Variants in CPE observed in about 807,000 individuals in gnomAD.
CPE encodes the protein carbocypeptidase E.
In CPE, 17 loss-of-function variants were observed where a neutral mutation model predicts 53.5. The observed-to-expected ratio is 0.32, with a 90% CI of 0.22 to 0.48. The LOEUF (loss-of-function observed/expected upper bound fraction) is 0.48. Ranked by LOEUF, CPE falls within the 20% of genes least tolerant of loss-of-function variation. The pLI, the probability that CPE is intolerant of heterozygous loss-of-function variation, is 0.99. For missense variants in CPE, 524 were observed against 614.7 expected (o/e 0.85, Z 1.56); for synonymous variants, 226 against 228.8 (o/e 0.99, Z 0.11).
At position 165,490,572 on chromosome 4, in the gene CPE, G is replaced by T. The variant is rs1371818795; in HGVS notation, c.1114-2599G>T. Among the ~76,000 whole-genome samples, 3 of 143,234 alleles carry T rather than the reference G, an allele frequency of 2.1e-5. No homozygotes were observed. In the East Asian group the frequency reaches 6.4e-4, roughly 31 times the overall value. 94.0% of individuals were successfully genotyped at this position (143,234 alleles called of 152,430 possible). A position where few individuals can be genotyped will look rare whatever the true frequency, so the allele number is the denominator to read the frequency against. On this transcript the variant is annotated intron_variant, in intron 6 of 8. Coordinates refer to ENST00000402744, the MANE Select transcript of CPE (RefSeq NM_001873.4). ...GGCATGAACCCGGGAGGCGGAGCTT[G>T]CAGTGAGCCGAGATCACACTACACT...
intron 1 of CPE, among the ~76,000 whole-genome samples, chr4:165,424,995 A>C (rs1731294869): frequency 6.6e-6 from 1 of 151,014 alleles, no homozygotes; most frequent in Middle Eastern, 3.2e-3. Context: ...CCGCCTCAGG[A>C]GAGAGTAATC....
intron 3 of CPE, among the ~76,000 whole-genome samples, chr4:165,481,008 A>ATTTTTT: frequency 1.8e-5 from 1 of 55,986 alleles, no homozygotes; most frequent in Non-Finnish European, 3.4e-5. Flanking sequence ...ATATATATAT[A>ATTTTTT]TATATATATT....
At chr4:165,383,617 C>T (rs1175656173) in intron 1 of CPE, among the ~76,000 whole-genome samples, 6 of 152,116 alleles carry the variant, frequency 3.9e-5, no homozygotes, top group Non-Finnish European at 5.9e-5. Context: ...TTATTTTGGA[C>T]GTATTCCTCT....
intron 6 of CPE, among the ~76,000 whole-genome samples, chr4:165,490,581 C>T (rs1380842836): frequency 7.4e-6 from 1 of 134,384 alleles, no homozygotes; most frequent in African/African-American, 2.9e-5. Flanking sequence ...TGCAGTGAGC[C>T]GAGATCACAC....
intron 3 of CPE, among the ~76,000 whole-genome samples, chr4:165,479,991 C>CA (rs80059796): frequency 0.016 from 996 of 63,196 alleles, 7 homozygotes; most frequent in Middle Eastern, 0.051. Flanking sequence ...GACTCCGCCT[C>CA]AAAAAAAAAA....
intron 1 of CPE, among the ~76,000 whole-genome samples, chr4:165,414,782 AAGAATGCATCC>A (rs1429696353): frequency 6.6e-6 from 1 of 152,152 alleles, no homozygotes; most frequent in Non-Finnish European, 1.5e-5. Context: ...AATAATTTAG[AAGAATGCATCC>A]AGAAACCAAA....
intron 1 of CPE, among the ~76,000 whole-genome samples, chr4:165,443,714 C>T (rs1450014983): frequency 6.6e-6 from 1 of 152,178 alleles, no homozygotes; most frequent in Admixed American, 6.5e-5. Context: ...GCCTTATCTT[C>T]AAATACAGTC....
intron 1 of CPE, among the ~76,000 whole-genome samples, chr4:165,414,669 A>C (rs1016977694): frequency 6.6e-6 from 1 of 151,134 alleles, no homozygotes; most frequent in Non-Finnish European, 1.5e-5. Context: ...GATAACGTAG[A>C]TATAGAGATA....
rs185687965 is a variant in CPE at position 165,479,018 on chromosome 4, T to C, written c.673-3224T>C. ...GAACTTATTGAAATGTGAATATTTG[T>C]CAATATCTGCCATTGGGTTAAAGAA... On this transcript the variant is annotated intron_variant, in intron 3 of 8. Coordinates refer to ENST00000402744, the MANE Select transcript of CPE (RefSeq NM_001873.4). 4.3e-3 allele frequency among the ~76,000 whole-genome samples: 652 copies of C among 152,230 alleles called. 2 individuals carry two copies. Among genetic ancestry groups the C allele is most frequent in the African/African-American group, 0.015 (627 of 41,514 alleles).
At position 165,394,716 on chromosome 4, in the gene CPE, A is replaced by AT. The variant is rs779046648; in HGVS notation, c.307+15198dup. Among the ~76,000 whole-genome samples the AT allele has an allele frequency of 2.3e-3, 352 of 150,388 alleles. 2 individuals carry two copies. The highest frequency in any genetic ancestry group is 7.3e-3 in the African/African-American group (300 of 41,018). On this transcript the variant is annotated intron_variant, in intron 1 of 8. Coordinates refer to ENST00000402744, the MANE Select transcript of CPE (RefSeq NM_001873.4). ...ATAGCAAGATTCTGCCCCTATTAAA[A>AT]TTTTTTTTTTATGTGAAAAATGTTA...
intron 1 of CPE, chr4:165,404,758 C>T (rs72701689): frequency 0.018 from 14,005 of 786,960 alleles, 222 homozygotes; most frequent in Non-Finnish European, 0.022. Flanking sequence ...TGATGACCTT[C>T]CCCTGCTTGA....
chr4:165,414,036 A>G (rs985541668), intron 1 of CPE, among the ~76,000 whole-genome samples: 1 of 152,166 alleles, frequency 6.6e-6, no homozygotes, highest in African/African-American at 2.4e-5. Flanking sequence ...GCACACTGGG[A>G]AAAAAAGTCT....
chr4:165,398,754 C>T (rs1258874324), intron 1 of CPE, among the ~76,000 whole-genome samples: 1 of 152,144 alleles, frequency 6.6e-6, no homozygotes, highest in Non-Finnish European at 1.5e-5. Context: ...ATTTCATTGG[C>T]TGGCTGTCTG....
chr4:165,385,884 A>T (rs1280063409), intron 1 of CPE, among the ~76,000 whole-genome samples: 1 of 152,200 alleles, frequency 6.6e-6, no homozygotes, highest in Non-Finnish European at 1.5e-5. Flanking sequence ...TGACTAACTT[A>T]GTCTTTTACA....
chr4:165,416,972 T>G (rs9308106), intron 1 of CPE, among the ~76,000 whole-genome samples: 1 of 151,794 alleles, frequency 6.6e-6, no homozygotes, highest in South Asian at 2.1e-4. Flanking sequence ...TCTCTTTATC[T>G]TATGAGATGC....
intron 3 of CPE, among the ~76,000 whole-genome samples, chr4:165,469,779 G>A (rs1732170252): frequency 6.6e-6 from 1 of 152,164 alleles, no homozygotes; most frequent in Non-Finnish European, 1.5e-5. Context: ...AGTAGGCTGA[G>A]GGCCTGTTAT....
At chr4:165,482,133 A>G (rs1732424579) in intron 3 of CPE, 109 bp from the exon 4 acceptor site, 2 of 555,006 alleles carry the variant, frequency 3.6e-6, no homozygotes, top group African/African-American at 3.9e-5. Flanking sequence ...AATAGTTGAA[A>G]TATGACCAGC....
chr4:165,478,077 C>T (rs996920807), intron 3 of CPE, among the ~76,000 whole-genome samples: 6 of 152,220 alleles, frequency 3.9e-5, no homozygotes, highest in Admixed American at 3.9e-4. Context: ...TTAAGTTTAC[C>T]CTGACTTTAA....
chr4:165,422,270 ATTAC>A (rs1306280336), intron 1 of CPE, among the ~76,000 whole-genome samples: 2 of 148,364 alleles, frequency 1.3e-5, no homozygotes, highest in Non-Finnish European at 1.5e-5. Flanking sequence ...AGCTTAGGAA[ATTAC>A]TTACTCAATT....
Sources: allele counts gnomAD v4.1 joint callset (sites outside exome capture counted in the v4.1 genomes callset), GRCh38; gene constraint gnomAD v4.1.1; transcripts MANE v1.5; gene names NCBI Gene and HGNC (gene_info 2026-07-23, HGNC 2026-07-21).